The following PRKAR2A variants were observed in gnomAD, a reference collection of about 807,000 sequenced individuals.
PRKAR2A encodes protein kinase cAMP-dependent type II regulatory subunit alpha.
Under a neutral mutation model 51.9 loss-of-function variants are expected in PRKAR2A, and 29 were observed. The observed-to-expected ratio is 0.56, with a 90% CI of 0.42 to 0.76. PRKAR2A has a LOEUF of 0.76. Ranked by LOEUF, PRKAR2A falls within the 30% of genes least tolerant of loss-of-function variation. The pLI is 0.00. For missense variants in PRKAR2A, 445 were observed against 512.1 expected (o/e 0.87, Z 1.26); for synonymous variants, 178 against 186.2 (o/e 0.96, Z 0.36).
chr3:48,786,808 C>G (rs1176835105), intron 4 of PRKAR2A, among the ~76,000 whole-genome samples: 1 of 152,022 alleles, frequency 6.6e-6, no homozygotes, highest in Non-Finnish European at 1.5e-5. Context: ...TGAAATACTA[C>G]TGAGCAATAA....
At chr3:48,800,964 T>C (rs997313692) in intron 2 of PRKAR2A, among the ~76,000 whole-genome samples, 18 of 152,110 alleles carry the variant, frequency 1.2e-4, no homozygotes, top group South Asian at 2.1e-4. Context: ...TGAGCCACCG[T>C]GCCCAGCCAG....
chr3:48,842,925 T>G (rs1261484964), intron 1 of PRKAR2A, among the ~76,000 whole-genome samples: 2 of 152,228 alleles, frequency 1.3e-5, no homozygotes, highest in Non-Finnish European at 2.9e-5. Context: ...GATGCTGGCC[T>G]CATAAAATGA....
At chr3:48,773,821 TA>T (rs999783533) in intron 5 of PRKAR2A, among the ~76,000 whole-genome samples, 4 of 151,606 alleles carry the variant, frequency 2.6e-5, no homozygotes, top group African/African-American at 4.9e-5. Context: ...TTGACATATA[TA>T]TTTTTTTGAG....
chr3:48,787,470 G>A (rs1305952785), intron 4 of PRKAR2A, among the ~76,000 whole-genome samples: 1 of 152,154 alleles, frequency 6.6e-6, no homozygotes, highest in Non-Finnish European at 1.5e-5. Context: ...ACAGGAATGA[G>A]CCACCGTGCC....
rs117433616 is a variant in PRKAR2A at position 48,752,227 on chromosome 3, T to C, written c.1030A>G (p.Asn344Asp). ...TAAGCTGAGGCAGCTCTGGGTTTGT[T>C]GGTGACCAGGGCAAGCTCTCCAAAG... ...QYFGELALVTNKPRAASAYAV... is the reference protein window; with the variant it reads ...QYFGELALVTDKPRAASAYAV... The change falls in exon 10 of 11, where the codon AAC (asparagine) becomes GAC (aspartate). Residue 344 changes from asparagine to aspartate, a missense_variant. By Grantham distance (23) the Asn-to-Asp change is conservative. Transcript: ENST00000265563. 8.5e-5 allele frequency: 138 copies of C among 1,614,246 alleles called. No individual in the cohort carries two copies. The East Asian group carries it at 2.8e-3, about 33-fold the overall frequency.
intron 8 of PRKAR2A, among the ~76,000 whole-genome samples, chr3:48,759,384 C>CCTT (rs1559602830): frequency 7.2e-6 from 1 of 138,304 alleles, no homozygotes. Flanking sequence ...CATCCTGCCC[C>CCTT]TTTTTTTTTT....
At chr3:48,752,384 A>G in intron 9 of PRKAR2A, 67 bp from the exon 10 acceptor site, 1 of 1,509,044 alleles carries the variant, frequency 6.6e-7, no homozygotes. Flanking sequence ...CCAGTTGCAC[A>G]CACATACACT....
chr3:48,835,379 C>T (rs1289025733), intron 1 of PRKAR2A, among the ~76,000 whole-genome samples: 1 of 151,920 alleles, frequency 6.6e-6, no homozygotes, highest in East Asian at 1.9e-4. Context: ...CTGTGGCTCA[C>T]GCTTCTAATC....
chr3:48,827,606 A>G (rs1559644804), intron 1 of PRKAR2A, among the ~76,000 whole-genome samples: 1 of 152,220 alleles, frequency 6.6e-6, no homozygotes. Context: ...GGCTATTTGT[A>G]TATCTAAACA....
chr3:48,836,220 C>T (rs989271012), intron 1 of PRKAR2A, among the ~76,000 whole-genome samples: 11 of 151,054 alleles, frequency 7.3e-5, no homozygotes, highest in Non-Finnish European at 1.0e-4. Flanking sequence ...GAGTTCAAGA[C>T]CAGCCTGACC....
rs777533745 is a variant in PRKAR2A at position 48,752,129 on chromosome 3, A to G, written c.1081+47T>C. The G allele has an allele frequency of 2.0e-5, 31 of 1,589,564 alleles. No individual in the cohort carries two copies. In the South Asian group the frequency reaches 3.3e-4, roughly 17 times the overall value. ...CAAGGCTTGCTGATGGGAAAAAAAT[A>G]TTACATGTTAGAAAAAGAATATTAA... On this transcript the variant is annotated intron_variant, in intron 10 of 10. Coordinates refer to ENST00000265563, the MANE Select transcript of PRKAR2A (RefSeq NM_004157.4).
At chr3:48,812,640 G>A (rs1008661507) in intron 1 of PRKAR2A, among the ~76,000 whole-genome samples, 6 of 152,112 alleles carry the variant, frequency 3.9e-5, no homozygotes, top group Middle Eastern at 3.4e-3. Flanking sequence ...CTGCCACCAC[G>A]CCTGGCTAAT....
intron 5 of PRKAR2A, among the ~76,000 whole-genome samples, chr3:48,779,957 C>T (rs957959645): frequency 2.0e-5 from 3 of 151,188 alleles, no homozygotes; most frequent in Non-Finnish European, 2.9e-5. Flanking sequence ...GTCAAGAGAT[C>T]GAGACCATCA....
chr3:48,829,621 C>CACACACATAAATGTGT (rs2083140216), intron 1 of PRKAR2A, among the ~76,000 whole-genome samples: 4 of 127,600 alleles, frequency 3.1e-5, no homozygotes, highest in Admixed American at 7.5e-5. Context: ...TGTGTGTATA[C>CACACACATAAATGTGT]GTGTGTATAC....
At chr3:48,816,131 C>T (rs976822283) in intron 1 of PRKAR2A, among the ~76,000 whole-genome samples, 2 of 152,078 alleles carry the variant, frequency 1.3e-5, no homozygotes, top group African/African-American at 4.8e-5. Context: ...TAAAACCCTC[C>T]TTCTGCCCAG....
At chr3:48,767,607 C>G (rs984012653) in intron 6 of PRKAR2A, among the ~76,000 whole-genome samples, 5 of 151,758 alleles carry the variant, frequency 3.3e-5, no homozygotes, top group Non-Finnish European at 5.9e-5. Context: ...CTGGGCAACA[C>G]AATGAGACCT....
intron 1 of PRKAR2A, among the ~76,000 whole-genome samples, chr3:48,821,872 A>C (rs186844494): frequency 1.3e-5 from 2 of 149,136 alleles, no homozygotes; most frequent in East Asian, 4.0e-4. Flanking sequence ...CCGAGATTGC[A>C]CTACTGCACT....
At chr3:48,805,299 C>T (rs2082655728) in intron 2 of PRKAR2A, among the ~76,000 whole-genome samples, 1 of 152,184 alleles carries the variant, frequency 6.6e-6, no homozygotes, top group South Asian at 2.1e-4. Context: ...GACATTCACC[C>T]ATTTCCTGTC....
intron 8 of PRKAR2A, among the ~76,000 whole-genome samples, chr3:48,759,955 C>T (rs185370785): frequency 6.6e-6 from 1 of 152,262 alleles, no homozygotes; most frequent in East Asian, 1.9e-4. Context: ...AAACATAAAA[C>T]ATGATTTTGT....
Sources: gnomAD v4.1 joint callset for allele counts (sites outside exome capture counted in the v4.1 genomes callset) on GRCh38, gnomAD v4.1.1 for gene constraint, MANE v1.5 for transcripts, NCBI Gene and HGNC (gene_info 2026-07-23, HGNC 2026-07-21) for gene names.